KLHL5: variants seen among roughly 807,000 people sequenced by gnomAD.
KLHL5 encodes kelch like family member 5.
KLHL5 carries 48 observed loss-of-function variants against 77.7 expected under a neutral mutation model. That is an observed-to-expected ratio of 0.62 (90% CI 0.49 to 0.79). The LOEUF (loss-of-function observed/expected upper bound fraction) is 0.79. Ranked by LOEUF, KLHL5 falls within the 30% of genes least tolerant of loss-of-function variation. The probability of loss-of-function intolerance (pLI) is 0.00; values close to 1 mark genes in which losing one functional copy is unlikely to be tolerated. For missense variants in KLHL5, 723 were observed against 859.7 expected, an observed-to-expected ratio of 0.84 and a Z score of 1.99; for synonymous variants, 260 against 297.0, an observed-to-expected ratio of 0.88 and a Z score of 1.28.
At chr4:39,077,524 A>G (rs553906077) in intron 2 of KLHL5, among the ~76,000 whole-genome samples, 1 of 152,196 alleles carries the variant, frequency 6.6e-6, no homozygotes, top group African/African-American at 2.4e-5. Context: ...CAGAACCACA[A>G]GGCAATACCA....
chr4:39,100,473 A>G (rs994036120), intron 6 of KLHL5, among the ~76,000 whole-genome samples: 1 of 152,208 alleles, frequency 6.6e-6, no homozygotes, highest in African/African-American at 2.4e-5. Context: ...TTGTTAATAT[A>G]TGGAAGGCAT....
Position 39,124,505 on chromosome 4 carries a change from T to C in KLHL5, c.*3439T>C, listed in dbSNP as rs1040297563. On this transcript the variant is annotated 3_prime_UTR_variant, in exon 11 of 11. Coordinates refer to ENST00000504108, the MANE Select transcript of KLHL5 (RefSeq NM_015990.5). ...GTAGAATGGAAAGTCCAGAAACAAA[T>C]TACGCCAATACACTATGGTCAATTG... Among the ~76,000 whole-genome samples, 1 of 152,054 alleles carries C rather than the reference T, an allele frequency of 6.6e-6. No homozygotes were observed. Among genetic ancestry groups the C allele is most frequent in the Non-Finnish European group, 1.5e-5 (1 of 67,976 alleles).
intron 7 of KLHL5, among the ~76,000 whole-genome samples, chr4:39,105,116 A>T (rs959976644): frequency 6.6e-6 from 1 of 151,682 alleles, no homozygotes; most frequent in African/African-American, 2.4e-5. Flanking sequence ...TGGTAATTAT[A>T]TGAAAATTTC....
At chr4:39,093,517 A>G (rs970195069) in intron 5 of KLHL5, 3 of 445,662 alleles carry the variant, frequency 6.7e-6, no homozygotes, top group Non-Finnish European at 9.0e-6. Flanking sequence ...AAAATTGTAA[A>G]GAAATATATT....
chr4:39,102,712 GCAAAA>G (rs1721694285), intron 6 of KLHL5, among the ~76,000 whole-genome samples: 1 of 152,052 alleles, frequency 6.6e-6, no homozygotes, highest in Non-Finnish European at 1.5e-5. Flanking sequence ...AATTTTCAAA[GCAAAA>G]CAAAACAAAA....
Position 39,081,042 on chromosome 4 carries a change from T to A in KLHL5, c.567-61T>A. ...ACAAATAAAAAAGAAGCAGCAGCAT[T>A]TATTAATGAACATCAACTCGAATGT... On this transcript the variant is annotated intron_variant, in intron 2 of 10. Coordinates refer to ENST00000504108, the MANE Select transcript of KLHL5 (RefSeq NM_015990.5). This position sits in a 1 kb window ranked among gnomAD's most constrained non-coding sequence, Gnocchi z 4.3. 24 of 1,507,832 alleles carry A rather than the reference T, an allele frequency of 1.6e-5. No homozygotes were observed. In the South Asian group the frequency reaches 3.1e-4, roughly 19 times the overall value. 93.4% of individuals were successfully genotyped at this position (1,507,832 alleles called of 1,614,324 possible).
intron 8 of KLHL5, 28 bp from the exon 9 acceptor site, chr4:39,112,988 CTTAT>C: frequency 6.3e-7 from 1 of 1,583,622 alleles, no homozygotes; most frequent in Non-Finnish European, 8.7e-7. Flanking sequence ...TGGCACATGT[CTTAT>C]TTATCATTTC....
chr4:39,111,163 A>C (rs1203638375), intron 8 of KLHL5, among the ~76,000 whole-genome samples: 1 of 152,154 alleles, frequency 6.6e-6, no homozygotes, highest in Admixed American at 6.5e-5. Context: ...GATCTCCTGT[A>C]AGTGCTATTT....
At chr4:39,079,296 A>G (rs534810821) in intron 2 of KLHL5, among the ~76,000 whole-genome samples, 1 of 152,220 alleles carries the variant, frequency 6.6e-6, no homozygotes, top group African/African-American at 2.4e-5. Flanking sequence ...CATTTCTTTG[A>G]TCAAATCTTT....
At chr4:39,137,347 T>C in the KLHL5 span, among the ~76,000 whole-genome samples, 2 of 100,382 alleles carry the variant, frequency 2.0e-5, no homozygotes, top group African/African-American at 6.4e-5. Context: ...ATACCAATTT[T>C]TACAAAAAAA....
intron 5 of KLHL5, among the ~76,000 whole-genome samples, chr4:39,088,255 A>G (rs773081840): frequency 1.6e-4 from 25 of 152,328 alleles, no homozygotes; most frequent in Admixed American, 3.9e-4. Context: ...CCTTTAAAAT[A>G]TCTCTTATCC....
At chr4:39,112,936 T>G (rs937175477) in intron 8 of KLHL5, 84 bp from the exon 9 acceptor site, 86 of 1,203,846 alleles carry the variant, frequency 7.1e-5, no homozygotes, top group Non-Finnish European at 9.0e-5. Context: ...TTAAATTCAA[T>G]GAGATAACAA....
chr4:39,131,416 A>G (rs1723797112), downstream of KLHL5, among the ~76,000 whole-genome samples: 1 of 152,216 alleles, frequency 6.6e-6, no homozygotes, highest in African/African-American at 2.4e-5. Context: ...AAAATGGATC[A>G]GAGCTTTTAA....
At chr4:39,101,560 G>C (rs902503926) in intron 6 of KLHL5, among the ~76,000 whole-genome samples, 2 of 152,000 alleles carry the variant, frequency 1.3e-5, no homozygotes, top group Non-Finnish European at 2.9e-5. Flanking sequence ...AAAATACAGA[G>C]GTAAAGGCCG....
At chr4:39,103,151 T>C (rs1479315218) in intron 6 of KLHL5, 136 bp from the exon 7 acceptor site, 8 of 745,892 alleles carry the variant, frequency 1.1e-5, no homozygotes, top group South Asian at 9.5e-5. Context: ...GGCTAGATCA[T>C]GCAGGACCTT....
intron 5 of KLHL5, among the ~76,000 whole-genome samples, chr4:39,087,005 A>T (rs192035452): frequency 1.8e-3 from 231 of 128,090 alleles, no homozygotes; most frequent in Admixed American, 3.1e-3. Context: ...CCGCCTCCCC[A>T]GTTCAAGTTA....
chr4:39,090,214 A>T (rs1720399652), intron 5 of KLHL5, among the ~76,000 whole-genome samples: 1 of 152,198 alleles, frequency 6.6e-6, no homozygotes, highest in African/African-American at 2.4e-5. Context: ...AATTGGGATT[A>T]GGTCTGTTTA....
chr4:39,061,826 T>G (rs148556362), upstream of KLHL5, among the ~76,000 whole-genome samples: 1 of 152,252 alleles, frequency 6.6e-6, no homozygotes, highest in Non-Finnish European at 1.5e-5. Context: ...AAAAGAGTAT[T>G]TGTTACATTT....
At chr4:39,071,820 T>A (rs889501134) in intron 1 of KLHL5, among the ~76,000 whole-genome samples, 1 of 152,200 alleles carries the variant, frequency 6.6e-6, no homozygotes, top group African/African-American at 2.4e-5. Context: ...ATTAAATGTT[T>A]CCCTGTAGAC....
Sources: allele counts gnomAD v4.1 joint callset (sites outside exome capture counted in the v4.1 genomes callset), GRCh38; gene constraint gnomAD v4.1.1; non-coding constraint Gnocchi (gnomAD v3.1); transcripts MANE v1.5; gene names NCBI Gene and HGNC (gene_info 2026-07-23, HGNC 2026-07-21).